Variants in SLC11A2 observed in about 807,000 individuals in gnomAD.
SLC11A2 encodes natural resistance-associated macrophage protein 2.
A neutral mutation model predicts 68.0 loss-of-function variants in SLC11A2; 38 were observed. That is an observed-to-expected ratio of 0.56 (90% CI 0.43 to 0.73). SLC11A2 has a LOEUF of 0.73. Among genes scored for constraint, SLC11A2 ranks in the 30% least tolerant of loss-of-function variants. SLC11A2 has a pLI of 0.00. For missense variants in SLC11A2, 517 were observed against 690.5 expected (o/e 0.75, Z 2.82); for synonymous variants, 242 against 250.6 (o/e 0.97, Z 0.32).
chr12:50,996,336 A>T (rs760031649), intron 9 of SLC11A2, among the ~76,000 whole-genome samples: 34 of 152,202 alleles, frequency 2.2e-4, no homozygotes, highest in Non-Finnish European at 4.6e-4. Flanking sequence ...GCACTTTGGG[A>T]GGCCAAGGCG....
the SLC11A2 span, chr12:50,961,122 T>C: frequency 3.7e-6 from 6 of 1,612,384 alleles, no homozygotes; most frequent in Non-Finnish European, 5.1e-6. Context: ...TTAATTTGTA[T>C]CTTATGTTCA....
intron 9 of SLC11A2, among the ~76,000 whole-genome samples, chr12:50,996,232 T>C (rs1941688560): frequency 1.3e-5 from 2 of 152,166 alleles, no homozygotes; most frequent in Admixed American, 1.3e-4. Flanking sequence ...ACTCGAGCTT[T>C]TGAAATTTAA....
Position 51,011,656 on chromosome 12 carries a change from G to T in SLC11A2, c.-38-890C>A, listed in dbSNP as rs12315724. 3.6e-3 allele frequency among the ~76,000 whole-genome samples: 546 copies of T among 149,876 alleles called. 6 individuals carry two copies. Among genetic ancestry groups the T allele is most frequent in the African/African-American group, 0.013 (519 of 40,804 alleles). On this transcript the variant is annotated intron_variant, in intron 1 of 15. Transcript: ENST00000262052. ...CAGCTCGCTGCAACCTCTGCCTCCT[G>T]GGTTCAAGCGATTCCCCTGCCTCAG...
At chr12:50,997,040 A>T in intron 8 of SLC11A2, 68 bp from the exon 9 acceptor site, 1 of 1,223,652 alleles carries the variant, frequency 8.2e-7, no homozygotes, top group Non-Finnish European at 1.2e-6. Flanking sequence ...AGTACCAGGG[A>T]ACAGTTAGCA....
downstream of SLC11A2, among the ~76,000 whole-genome samples, chr12:50,977,701 G>C (rs1939867269): frequency 1.3e-5 from 2 of 152,092 alleles, no homozygotes; most frequent in Admixed American, 6.6e-5. Flanking sequence ...CCATCAGAGT[G>C]AACAGGCAAC....
At chr12:50,953,828 G>T in the SLC11A2 span, 8 of 506,962 alleles carry the variant, frequency 1.6e-5, no homozygotes, top group South Asian at 3.0e-5. Context: ...GAAAAAATTC[G>T]GTAGTGAAAA....
intron 11 of SLC11A2, 124 bp downstream of exon 11, chr12:50,994,420 C>G: frequency 1.4e-6 from 1 of 725,080 alleles, no homozygotes; most frequent in Non-Finnish European, 2.5e-6. Flanking sequence ...GTGTCTGGAA[C>G]TCTGAAATAA....
chr12:50,959,048 C>T, the SLC11A2 span, among the ~76,000 whole-genome samples: 2 of 152,126 alleles, frequency 1.3e-5, no homozygotes, highest in African/African-American at 2.4e-5. Flanking sequence ...AAGATGCACA[C>T]TTTTACTGTG....
At chr12:51,018,428 C>T (rs1943813811) in intron 1 of SLC11A2, among the ~76,000 whole-genome samples, 1 of 149,882 alleles carries the variant, frequency 6.7e-6, no homozygotes, top group Admixed American at 6.7e-5. Context: ...CAGAAAACTG[C>T]CCCTAAGAAA....
chr12:50,991,669 G>T lies in SLC11A2; in HGVS notation c.1351C>A (p.Pro451Thr), dbSNP rs118034836. 2 of 1,613,488 alleles carry T rather than the reference G, an allele frequency of 1.2e-6. No homozygotes were observed. The highest frequency in any genetic ancestry group is 1.7e-6 in the Non-Finnish European group (2 of 1,179,746). ...FLNVLQSLQL[P>T]FALIPILTFT... Reference sequence around the variant, plus strand: ...GTGAGGATGGGTATGAGAGCAAAGGGAAGCTGGAAAAGAAAGAAGATCAGA... The same window carrying T: ...GTGAGGATGGGTATGAGAGCAAAGGTAAGCTGGAAAAGAAAGAAGATCAGA... The change falls in exon 14 of 16, where the codon CCC (proline) becomes ACC (threonine). Residue 451 changes from proline to threonine, a missense_variant. Transcript: ENST00000262052.
intron 3 of SLC11A2, chr12:51,008,254 AT>A (rs749042047): frequency 0.13 from 9,965 of 77,106 alleles, 774 homozygotes; most frequent in African/African-American, 0.35. Flanking sequence ...AGATAGATAG[AT>A]AGATAGACGG....
chr12:50,999,653 G>A, intron 6 of SLC11A2: 1 of 539,482 alleles, frequency 1.9e-6, no homozygotes, highest in African/African-American at 1.9e-5. Flanking sequence ...AAGCTGAAAA[G>A]TTTGGGTCTT....
intron 1 of SLC11A2, among the ~76,000 whole-genome samples, chr12:51,020,758 T>C (rs1028359693): frequency 6.6e-6 from 1 of 152,196 alleles, no homozygotes; most frequent in Non-Finnish European, 1.5e-5. Flanking sequence ...TTTTTCTTGG[T>C]ATTATTCCCT....
In SLC11A2 at chr12:50,988,248, T is replaced by C. The variant is rs1940794426; in HGVS notation, c.*77A>G. On this transcript the variant is annotated 3_prime_UTR_variant, in exon 16 of 16. Coordinates refer to ENST00000262052, the MANE Select transcript of SLC11A2 (RefSeq NM_000617.3). ...ACAGTCTGTGCAACGGCACATACTT[T>C]TGGCTATGTTCACACAGTAAACCAT... The C allele has an allele frequency of 6.2e-7, 1 of 1,608,374 alleles. No homozygotes were observed. Among genetic ancestry groups the C allele is most frequent in the Non-Finnish European group, 8.5e-7 (1 of 1,177,348 alleles).
the SLC11A2 span, among the ~76,000 whole-genome samples, chr12:50,953,353 C>T: frequency 6.6e-6 from 1 of 152,194 alleles, no homozygotes; most frequent in Non-Finnish European, 1.5e-5. Flanking sequence ...CAATAAGCTG[C>T]ACAGGGAACA....
chr12:50,993,195 A>T (rs1393000722), intron 11 of SLC11A2: 2 of 15,728 alleles, frequency 1.3e-4, no homozygotes, highest in South Asian at 6.2e-4. Context: ...AAATATTAAA[A>T]AAAAAAAAAA....
intron 3 of SLC11A2, chr12:51,005,937 G>C (rs913480495): frequency 3.1e-6 from 1 of 327,128 alleles, no homozygotes; most frequent in Non-Finnish European, 6.0e-6. Flanking sequence ...GGGAGGGAGG[G>C]GTCAGACAAA....
intron 1 of SLC11A2, among the ~76,000 whole-genome samples, chr12:51,011,264 G>T (rs1031218750): frequency 2.0e-5 from 3 of 151,856 alleles, no homozygotes; most frequent in African/African-American, 7.3e-5. Flanking sequence ...GAGTAGCTGG[G>T]ATTACAGGTG....
At chr12:50,952,877 CT>C in the SLC11A2 span, among the ~76,000 whole-genome samples, 3 of 152,192 alleles carry the variant, frequency 2.0e-5, no homozygotes, top group African/African-American at 7.2e-5. Context: ...CCTGTGCCCT[CT>C]TTCCCCTCAA....
Sources: gnomAD v4.1 joint callset for allele counts (sites outside exome capture counted in the v4.1 genomes callset) on GRCh38, gnomAD v4.1.1 for gene constraint, MANE v1.5 for transcripts, NCBI Gene and HGNC (gene_info 2026-07-23, HGNC 2026-07-21) for gene names.